The following RELN variants were observed in gnomAD, a reference collection of about 807,000 sequenced individuals.
The protein encoded by RELN is reelin.
Under a neutral mutation model 427.6 loss-of-function variants are expected in RELN, and 108 were observed. The ratio of observed to expected loss-of-function variants is 0.25; its 90% CI spans 0.22 to 0.30. The LOEUF (loss-of-function observed/expected upper bound fraction) is 0.30. Ranked by LOEUF, RELN falls within the 10% of genes least tolerant of loss-of-function variation. RELN has a pLI of 1.00. For missense variants in RELN, 3,715 were observed against 4,302.8 expected, an observed-to-expected ratio of 0.86 and a Z score of 3.82; for synonymous variants, 1,524 against 1,513.4, an observed-to-expected ratio of 1.01 and a Z score of -0.16.
intron 3 of RELN, among the ~76,000 whole-genome samples, chr7:103,796,974 C>A (rs1304770455): frequency 6.6e-6 from 1 of 151,564 alleles, no homozygotes; most frequent in African/African-American, 2.4e-5. Context: ...TGTGGTAAGA[C>A]CTGCCTGCCT....
chr7:103,601,616 A>G (rs571393706), intron 24 of RELN, among the ~76,000 whole-genome samples: 1 of 152,214 alleles, frequency 6.6e-6, no homozygotes, highest in East Asian at 1.9e-4. Context: ...GATATTACAC[A>G]CTCCACATTC....
At chr7:103,583,389 A>G (rs183858059) in intron 28 of RELN, among the ~76,000 whole-genome samples, 1 of 152,256 alleles carries the variant, frequency 6.6e-6, no homozygotes, top group African/African-American at 2.4e-5. Flanking sequence ...TCTCTGGAGA[A>G]CCCTAACTAA....
In RELN at chr7:103,589,500, G is replaced by A. The variant is rs1831359427; in HGVS notation, c.4145+96C>T. 11 of 810,856 alleles carry A rather than the reference G, an allele frequency of 1.4e-5. 1 individual carries two copies. The South Asian group carries it at 1.6e-4, about 12-fold the overall frequency. The allele number at this position is 810,856 out of a possible 1,614,324, so 50.2% of individuals were successfully genotyped here. ...TATTTTTCCCAGAATTGTATTTTCGGGGTTTTGATCTTTCAGGATTACAAC... is the reference window on the plus strand; with the variant it reads ...TATTTTTCCCAGAATTGTATTTTCGAGGTTTTGATCTTTCAGGATTACAAC... On this transcript the variant is annotated intron_variant, in intron 28 of 64. Coordinates refer to ENST00000428762, the MANE Select transcript of RELN (RefSeq NM_005045.4).
rs1554394439 is a variant in RELN at position 103,630,854 on chromosome 7, T to TGTTTG, written c.2466-679_2466-678insCAAAC. On this transcript the variant is annotated intron_variant, in intron 19 of 64. Coordinates refer to ENST00000428762, the MANE Select transcript of RELN (RefSeq NM_005045.4). ...GAAAGGGCTGAGTTATTTTTTTGTT[T>TGTTTG]TTTTTGTTTTTTTTTTTTTTGTTTT... Among the ~76,000 whole-genome samples, 14 of 109,440 alleles carry TGTTTG rather than the reference T, an allele frequency of 1.3e-4. 1 individual carries two copies. The highest frequency in any genetic ancestry group is 1.2e-3 in the South Asian group (4 of 3,262). 71.8% of individuals were successfully genotyped at this position (109,440 alleles called of 152,430 possible). A position where few individuals can be genotyped will look rare whatever the true frequency, so the allele number is the denominator to read the frequency against.
At chr7:103,560,496 C>T (rs1830618539) in intron 36 of RELN, among the ~76,000 whole-genome samples, 1 of 152,074 alleles carries the variant, frequency 6.6e-6, no homozygotes, top group Non-Finnish European at 1.5e-5. Context: ...AATTCTACTG[C>T]TTAAAAATTT....
intron 6 of RELN, among the ~76,000 whole-genome samples, chr7:103,734,095 CA>C (rs1014244273): frequency 1.3e-5 from 2 of 152,034 alleles, no homozygotes; most frequent in African/African-American, 4.8e-5. Flanking sequence ...AAAACAAAAA[CA>C]AAAACTACTG....
chr7:103,611,637 C>A lies in RELN; in HGVS notation c.2869G>T (p.Gly957Cys). Residue 957 changes from glycine (G) to cysteine (C), a missense_variant, in exon 21 of 65, where the codon GGC becomes TGC. Physicochemically the swap from Gly to Cys is radical, Grantham distance 159 (BLOSUM62 -3). Around this residue, in one of 4 missense-constraint regions of RELN, gnomAD observed 2,208 missense variants for 2,361.7 expected, o/e 0.93. Coordinates refer to ENST00000428762, the MANE Select transcript of RELN (RefSeq NM_005045.4). ...TCTTGGACGAGGTGCCAGGTAAGGC[C>A]GTGGTTGGTTGAGTACTCCAGCTTC... Reference protein sequence around the residue: ...QVKLEYSTNHGLTWHLVQEEC... With the variant: ...QVKLEYSTNHCLTWHLVQEEC... 6.2e-7 allele frequency: 1 copy of A among 1,613,520 alleles called. No individual in the cohort carries two copies. Among genetic ancestry groups the A allele is most frequent in the South Asian group, 1.1e-5 (1 of 91,064 alleles).
chr7:103,534,121 A>G (rs1479126280), intron 46 of RELN, among the ~76,000 whole-genome samples: 4 of 152,222 alleles, frequency 2.6e-5, no homozygotes, highest in Non-Finnish European at 5.9e-5. Context: ...TATGCCCTAG[A>G]TGAATGGTTG....
intron 63 of RELN, 173 bp from the exon 64 acceptor site, chr7:103,478,567 A>G (rs757746122): frequency 4.6e-6 from 3 of 649,514 alleles, no homozygotes; most frequent in African/African-American, 1.8e-5. Context: ...TTATTCTTCT[A>G]TACCCAAGAT....
intron 2 of RELN, among the ~76,000 whole-genome samples, chr7:103,845,389 C>T (rs1044538558): frequency 9.2e-5 from 14 of 152,102 alleles, no homozygotes; most frequent in African/African-American, 3.4e-4. Context: ...CCATGTTGGC[C>T]AGGTGGGTCT....
intron 3 of RELN, among the ~76,000 whole-genome samples, chr7:103,778,244 T>C (rs1791796121): frequency 6.6e-6 from 1 of 152,326 alleles, no homozygotes; most frequent in South Asian, 2.1e-4. Flanking sequence ...ACTTTTTTAC[T>C]TAAATACACT....
chr7:103,550,765 G>A (rs1162232035), intron 41 of RELN, among the ~76,000 whole-genome samples: 3 of 152,088 alleles, frequency 2.0e-5, no homozygotes, highest in African/African-American at 4.8e-5. Context: ...GAGTAGGCAG[G>A]AGGAACGCGT....
rs362747 is a variant in RELN, at chr7:103,539,172, G to A, written c.7086C>T (p.Thr2362=). Residue 2362 remains threonine, a synonymous_variant, in exon 45 of 65, where the codon ACC becomes ACT. Transcript: ENST00000428762. ...DALVFIEKAS[T]RYVVSTDVAV... The stretch of plus-strand genomic sequence containing the variant: ...CAACGTCTGTGCTGACCACGTAACG[G>A]GTGCTGGCCTTTTCAATGAAGACCA... The A allele has an allele frequency of 2.1e-3, 3,311 of 1,614,212 alleles. 55 individuals carry two copies. In the African/African-American group the frequency reaches 0.038, roughly 18 times the overall value.
At chr7:103,543,216 G>A (rs1383101141) in intron 42 of RELN, among the ~76,000 whole-genome samples, 2 of 152,156 alleles carry the variant, frequency 1.3e-5, no homozygotes, top group Non-Finnish European at 2.9e-5. Flanking sequence ...GGAAGGTGGG[G>A]GCTGTGTAGC....
chr7:103,776,572 A>T lies in RELN; in HGVS notation c.529T>A (p.Leu177Met), dbSNP rs772643458. ...VIFKDALAQQ[L>M]CEQGAPTDVT... is the part of the protein sequence containing the mutation. ...TGACGCTTACCTCCTTGTTCACACA[A>T]CTGCTGGGCTAAAGCATCTTTGAAA... Residue 177 changes from leucine (L) to methionine (M), a missense_variant, in exon 4 of 65, where the codon TTG becomes ATG. Transcript: ENST00000428762. The T allele has an allele frequency of 6.2e-6, 10 of 1,613,986 alleles. No individual in the cohort carries two copies. The African/African-American group carries it at 1.2e-4, about 19-fold the overall frequency.
chr7:103,493,193 G>A (rs958680216), intron 57 of RELN, among the ~76,000 whole-genome samples: 7 of 152,166 alleles, frequency 4.6e-5, no homozygotes, highest in African/African-American at 1.2e-4. Context: ...GTCAACTGTT[G>A]ATTTAGTTAG....
intron 28 of RELN, among the ~76,000 whole-genome samples, chr7:103,580,906 TGG>T (rs1317851401): frequency 1.3e-5 from 2 of 152,168 alleles, no homozygotes; most frequent in Non-Finnish European, 2.9e-5. Flanking sequence ...TCCAACTTCA[TGG>T]CACATTACAC....
intron 2 of RELN, among the ~76,000 whole-genome samples, chr7:103,903,274 GT>G (rs200223959): frequency 0.017 from 2,491 of 142,720 alleles, 60 homozygotes; most frequent in African/African-American, 0.055. Flanking sequence ...ATTCCTAAGT[GT>G]TTTTTTTTTT....
chr7:103,831,894 A>T (rs1418886135), intron 3 of RELN, among the ~76,000 whole-genome samples: 2 of 152,176 alleles, frequency 1.3e-5, no homozygotes, highest in Admixed American at 1.3e-4. Context: ...GGATATACTG[A>T]AGGAAAAACG....
Sources: allele counts gnomAD v4.1 joint callset (sites outside exome capture counted in the v4.1 genomes callset), GRCh38; gene constraint gnomAD v4.1.1; regional missense constraint gnomAD v4.1.1; transcripts MANE v1.5; gene names NCBI Gene and HGNC (gene_info 2026-07-23, HGNC 2026-07-21).